Variants in FNIP2 observed in about 807,000 individuals in gnomAD.
FNIP2 encodes folliculin-interacting protein 2.
FNIP2 carries 32 observed loss-of-function variants against 108.7 expected under a neutral mutation model. The ratio of observed to expected loss-of-function variants is 0.29; its 90% CI spans 0.22 to 0.40. The LOEUF (loss-of-function observed/expected upper bound fraction) is 0.40. Among genes scored for constraint, FNIP2 ranks in the 10% least tolerant of loss-of-function variants. The pLI is 1.00. For missense variants in FNIP2, 1,202 were observed against 1,381.6 expected (o/e 0.87, Z 2.06); for synonymous variants, 480 against 496.7 (o/e 0.97, Z 0.45).
intron 1 of FNIP2, chr4:158,805,976 A>G (rs570209026): frequency 6.5e-6 from 2 of 307,044 alleles, no homozygotes; most frequent in African/African-American, 2.2e-5. Flanking sequence ...TTGTAATGTG[A>G]TAGATGGATC....
chr4:158,878,253 G>A (rs1371651796), intron 14 of FNIP2, among the ~76,000 whole-genome samples: 1 of 152,166 alleles, frequency 6.6e-6, no homozygotes, highest in Non-Finnish European at 1.5e-5. Flanking sequence ...ACCCGAGGAT[G>A]AAAGACTGTG....
At chr4:158,806,382 C>T (rs1414613859) in intron 1 of FNIP2, 19 of 1,289,210 alleles carry the variant, frequency 1.5e-5, no homozygotes, top group East Asian at 5.5e-5. Flanking sequence ...AAAAACACAC[C>T]GGAGTAGACA....
intron 8 of FNIP2, among the ~76,000 whole-genome samples, chr4:158,858,717 A>C (rs1780123738): frequency 6.6e-6 from 1 of 152,240 alleles, no homozygotes; most frequent in Admixed American, 6.5e-5. Flanking sequence ...ATCTATTGGT[A>C]TCTGACTATG....
At chr4:158,891,394 C>T (rs906632093) in intron 14 of FNIP2, 52 bp from the exon 15 acceptor site, 2 of 1,516,454 alleles carry the variant, frequency 1.3e-6, no homozygotes, top group Admixed American at 2.0e-5. Flanking sequence ...AAACTTTGAC[C>T]TTTTGGACTC....
intron 1 of FNIP2, among the ~76,000 whole-genome samples, chr4:158,793,004 T>TG (rs1475215290): frequency 1.3e-5 from 2 of 152,196 alleles, no homozygotes; most frequent in Admixed American, 6.5e-5. Context: ...AGGGCAGGCC[T>TG]GCAGGGAATA....
intron 8 of FNIP2, among the ~76,000 whole-genome samples, chr4:158,856,567 G>A (rs1191270288): frequency 6.6e-6 from 1 of 152,206 alleles, no homozygotes; most frequent in Non-Finnish European, 1.5e-5. Context: ...TTTCCTCAGT[G>A]CTCTGCGTGG....
At position 158,886,011 on chromosome 4, in the gene FNIP2, T is replaced by C. The variant is rs557457183; in HGVS notation, c.2950-5435T>C. ...GGCAATCTGACCTAAAACCTTGAAA[T>C]TGGAATGTCCTAGGCATTTAACACT... On this transcript the variant is annotated intron_variant, in intron 14 of 16. Coordinates refer to ENST00000264433, the MANE Select transcript of FNIP2 (RefSeq NM_020840.3). Among the ~76,000 whole-genome samples the C allele has an allele frequency of 4.6e-4, 70 of 152,284 alleles. No homozygotes were observed. In the South Asian group the frequency reaches 7.1e-3, roughly 15 times the overall value.
intron 1 of FNIP2, among the ~76,000 whole-genome samples, chr4:158,811,036 T>C (rs931142272): frequency 1.3e-5 from 2 of 152,172 alleles, no homozygotes; most frequent in Admixed American, 6.5e-5. Context: ...CTGGTGGGAA[T>C]TGGAGAGAGC....
At chr4:158,790,401 T>C in intron 1 of FNIP2, among the ~76,000 whole-genome samples, 1 of 151,964 alleles carries the variant, frequency 6.6e-6, no homozygotes, top group East Asian at 2.0e-4. Flanking sequence ...AATATTTTGG[T>C]TCAGATAAGG....
At chr4:158,901,128 A>ATTTTTTTTTTTTTTTTTTT (rs140017298) in intron 16 of FNIP2, among the ~76,000 whole-genome samples, 1 of 112,302 alleles carries the variant, frequency 8.9e-6, no homozygotes. Flanking sequence ...CTGGGTTGAA[A>ATTTTTTTTTTTTTTTTTTT]TTTTTTTTTT....
At position 158,868,359 on chromosome 4, in the gene FNIP2, G is replaced by A; in HGVS notation, c.1723G>A (p.Glu575Lys). ...SEYVVITVRNEPALVPPILPP... is the reference protein window; with the variant it reads ...SEYVVITVRNKPALVPPILPP... ...GTATGTGGTCATTACGGTGAGGAAC[G>A]AGCCCGCTCTTGTACCCCCCATCCT... is the stretch of plus-strand genomic sequence containing the variant. Residue 575 changes from glutamate (E) to lysine (K), a missense_variant, in exon 13 of 17, where the codon GAG (glutamate) becomes AAG (lysine). Coordinates refer to ENST00000264433, the MANE Select transcript of FNIP2 (RefSeq NM_020840.3). This position sits in a 1 kb window ranked among gnomAD's most constrained non-coding sequence, Gnocchi z 4.6. 1.2e-6 allele frequency: 2 copies of A among 1,613,996 alleles called. No homozygotes were observed. The highest frequency in any genetic ancestry group is 8.5e-7 in the Non-Finnish European group (1 of 1,179,896).
At position 158,830,862 on chromosome 4, in the gene FNIP2, C is replaced by A. The variant is rs527765926; in HGVS notation, c.382-999C>A. 3.3e-5 allele frequency among the ~76,000 whole-genome samples: 5 copies of A among 152,238 alleles called. No homozygotes were observed. The South Asian group carries it at 1.0e-3, about 32-fold the overall frequency. On this transcript the variant is annotated intron_variant, in intron 3 of 16. Transcript: ENST00000264433. ...GTCACTAGCACTTAGCACGGGTGCT[C>A]AGAATTCTGCATCCCAAGACACTCA...
intron 1 of FNIP2, among the ~76,000 whole-genome samples, chr4:158,792,133 A>G (rs1332241191): frequency 2.0e-5 from 3 of 152,158 alleles, no homozygotes; most frequent in African/African-American, 7.2e-5. Context: ...ATCAGGTGCT[A>G]AGTACAGTCC....
chr4:158,900,392 C>A (rs892949759), intron 16 of FNIP2, among the ~76,000 whole-genome samples: 2 of 152,078 alleles, frequency 1.3e-5, no homozygotes, highest in African/African-American at 4.8e-5. Flanking sequence ...GTCCTGAATA[C>A]CCTGTTAATT....
intron 1 of FNIP2, among the ~76,000 whole-genome samples, chr4:158,822,200 T>TA (rs1285801001): frequency 7.3e-6 from 1 of 136,388 alleles, no homozygotes; most frequent in Non-Finnish European, 1.6e-5. Flanking sequence ...TTTTTTGAGA[T>TA]AGAGTCTCCC....
At chr4:158,813,593 A>AT (rs1171721167) in intron 1 of FNIP2, among the ~76,000 whole-genome samples, 1 of 152,076 alleles carries the variant, frequency 6.6e-6, no homozygotes, top group Non-Finnish European at 1.5e-5. Context: ...TATCAGATAT[A>AT]TTTTTTGGGA....
chr4:158,880,819 T>C (rs895070079), intron 14 of FNIP2, among the ~76,000 whole-genome samples: 1 of 152,198 alleles, frequency 6.6e-6, no homozygotes, highest in Non-Finnish European at 1.5e-5. Flanking sequence ...TTGTATGGTC[T>C]GAATCTTCAG....
At chr4:158,878,625 A>G (rs950796114) in intron 14 of FNIP2, among the ~76,000 whole-genome samples, 6 of 152,300 alleles carry the variant, frequency 3.9e-5, no homozygotes, top group African/African-American at 1.4e-4. Context: ...CGCATATAGG[A>G]AAATGAAACA....
chr4:158,840,584 C>T (rs557835255), intron 7 of FNIP2, among the ~76,000 whole-genome samples: 3 of 152,182 alleles, frequency 2.0e-5, no homozygotes, highest in South Asian at 2.1e-4. Flanking sequence ...TCAGTAGAAA[C>T]GGAGTTTTGC....
Sources: gnomAD v4.1 joint callset for allele counts (sites outside exome capture counted in the v4.1 genomes callset) on GRCh38, gnomAD v4.1.1 for gene constraint, Gnocchi (gnomAD v3.1) non-coding constraint, MANE v1.5 for transcripts, NCBI Gene and HGNC (gene_info 2026-07-23, HGNC 2026-07-21) for gene names.